LAMC1: variants seen among roughly 807,000 people sequenced by gnomAD.
LAMC1 encodes laminin subunit gamma 1.
LAMC1 carries 38 observed loss-of-function variants against 173.6 expected under a neutral mutation model. The ratio of observed to expected loss-of-function variants is 0.22; its 90% CI spans 0.17 to 0.29. The LOEUF is 0.29. LAMC1 is among the 10% of genes least tolerant of loss of function. The pLI is 1.00. For synonymous variants in LAMC1, 746 were observed against 749.1 expected, an observed-to-expected ratio of 1.00 and a Z score of 0.07; for missense variants, 1,824 against 2,051.8, an observed-to-expected ratio of 0.89 and a Z score of 2.14.
intron 1 of LAMC1, among the ~76,000 whole-genome samples, chr1:183,078,310 C>A (rs939295205): frequency 1.3e-5 from 2 of 152,138 alleles, no homozygotes; most frequent in African/African-American, 4.8e-5. Flanking sequence ...TGGTCAGGCG[C>A]GGTGGCTCAT....
chr1:183,130,295 A>T, intron 18 of LAMC1, 49 bp from the exon 19 acceptor site: 2 of 1,477,514 alleles, frequency 1.4e-6, no homozygotes, highest in Non-Finnish European at 1.9e-6. Context: ...GTGAGATGAT[A>T]TGATCCTCTT....
chr1:183,075,553 C>T (rs1033284748), intron 1 of LAMC1, among the ~76,000 whole-genome samples: 4 of 152,126 alleles, frequency 2.6e-5, no homozygotes, highest in African/African-American at 4.8e-5. Flanking sequence ...TTGATTTATA[C>T]TTACAAATAA....
chr1:183,061,028 A>G (rs1468881588), intron 1 of LAMC1, among the ~76,000 whole-genome samples: 1 of 152,130 alleles, frequency 6.6e-6, no homozygotes, highest in Non-Finnish European at 1.5e-5. Context: ...GTTGCAGGAA[A>G]ATTAGTATAA....
chr1:183,120,180 A>AG (rs1656432521), intron 11 of LAMC1, among the ~76,000 whole-genome samples: 1 of 151,364 alleles, frequency 6.6e-6, no homozygotes, highest in African/African-American at 2.4e-5. Flanking sequence ...AAAAAAAAAA[A>AG]AAAAAAAAAA....
intron 10 of LAMC1, 96 bp from the exon 11 acceptor site, chr1:183,117,938 G>A: frequency 1.3e-6 from 1 of 796,124 alleles, no homozygotes; most frequent in South Asian, 1.7e-5. Context: ...GATTGTTAGA[G>A]CATTGCATTG....
intron 1 of LAMC1, among the ~76,000 whole-genome samples, chr1:183,062,719 A>G (rs1326744468): frequency 6.6e-6 from 1 of 152,162 alleles, no homozygotes; most frequent in East Asian, 1.9e-4. Flanking sequence ...TGGGAGGCTG[A>G]GGTGGGCAGA....
intron 2 of LAMC1, among the ~76,000 whole-genome samples, chr1:183,104,461 C>G (rs1452553570): frequency 6.6e-6 from 1 of 152,326 alleles, no homozygotes; most frequent in East Asian, 1.9e-4. Flanking sequence ...ATTGGAGATG[C>G]TGCTGCATGT....
chr1:183,081,742 C>G (rs181549961), intron 1 of LAMC1, among the ~76,000 whole-genome samples: 1 of 152,192 alleles, frequency 6.6e-6, no homozygotes, highest in Admixed American at 6.5e-5. Flanking sequence ...TTGTTATAAT[C>G]AATAAAACAT....
chr1:183,126,068 GTGCTTAAAGTC>G, intron 15 of LAMC1, 41 bp from the exon 16 acceptor site: 1 of 1,554,666 alleles, frequency 6.4e-7, no homozygotes, highest in Non-Finnish European at 8.7e-7. Flanking sequence ...AAAAAAAGTT[GTGCTTAAAGTC>G]TGTTTTTCTT....
intron 1 of LAMC1, among the ~76,000 whole-genome samples, chr1:183,086,541 C>A (rs903895479): frequency 6.6e-6 from 1 of 152,170 alleles, no homozygotes; most frequent in African/African-American, 2.4e-5. Flanking sequence ...ATGCAGATTG[C>A]ACTGTTTCAT....
intron 1 of LAMC1, among the ~76,000 whole-genome samples, chr1:183,026,986 T>A (rs1351482900): frequency 1.3e-5 from 2 of 152,186 alleles, no homozygotes; most frequent in African/African-American, 4.8e-5. Context: ...CCTCTAGAAA[T>A]TTTTCATGCA....
At chr1:183,126,066 T>C (rs1571458135) in intron 15 of LAMC1, 54 bp from the exon 16 acceptor site, 1 of 1,553,678 alleles carries the variant, frequency 6.4e-7, no homozygotes, top group East Asian at 2.3e-5. Context: ...AAAAAAAAAG[T>C]TGTGCTTAAA....
At chr1:183,052,120 A>G (rs907027112) in intron 1 of LAMC1, among the ~76,000 whole-genome samples, 2 of 152,170 alleles carry the variant, frequency 1.3e-5, no homozygotes, top group African/African-American at 2.4e-5. Flanking sequence ...GGTGCTCTGC[A>G]CTGCGTATCC....
chr1:183,137,808 A>G lies in LAMC1; in HGVS notation c.4454A>G (p.Asp1485Gly), dbSNP rs1206487262. The G allele has an allele frequency of 6.2e-7, 1 of 1,607,626 alleles. No homozygotes were observed. The highest frequency in any genetic ancestry group is 8.5e-7 in the Non-Finnish European group (1 of 1,176,978). Residue 1485 changes from aspartate to glycine, a missense_variant, in exon 26 of 28, where the codon GAC becomes GGC. Asp to Gly is a moderately conservative substitution (Grantham distance 94, BLOSUM62 -1). Coordinates refer to ENST00000258341, the MANE Select transcript of LAMC1 (RefSeq NM_002293.4). ...AGAAAACAAGATGACGCTGACCAGG[A>G]CATGATGATGGCAGGGATGGTAAGA... ...LKRKQDDADQDMMMAGMASQA... is the reference protein window; with the variant it reads ...LKRKQDDADQGMMMAGMASQA...
intron 13 of LAMC1, among the ~76,000 whole-genome samples, chr1:183,123,018 T>C (rs1656522152): frequency 6.6e-6 from 1 of 152,240 alleles, no homozygotes; most frequent in Admixed American, 6.5e-5. Flanking sequence ...TCTGCTGTGA[T>C]TTTGATTCAC....
chr1:183,122,884 C>A (rs1656517027), intron 13 of LAMC1, among the ~76,000 whole-genome samples: 1 of 151,994 alleles, frequency 6.6e-6, no homozygotes, highest in Admixed American at 6.6e-5. Context: ...GCTCTTTTTG[C>A]CTTTAGGTTC....
In LAMC1 at chr1:183,140,497, C is replaced by A; in HGVS notation, c.4567C>A (p.Gln1523Lys). 6.2e-7 allele frequency: 1 copy of A among 1,609,154 alleles called. No homozygotes were observed. The highest frequency in any genetic ancestry group is 8.5e-7 in the Non-Finnish European group (1 of 1,176,012). ...LLSIINDLLE[Q>K]LGQLDTVDLN... ...CAGCATTATTAATGACCTCTTGGAG[C>A]AGCTGGGTACGTAGCCATAGAGTCA... is the stretch of plus-strand genomic sequence containing the variant. The change falls in exon 27 of 28, where the codon CAG becomes AAG. Residue 1523 changes from glutamine (Q) to lysine (K), a missense_variant. Coordinates refer to ENST00000258341, the MANE Select transcript of LAMC1 (RefSeq NM_002293.4).
At chr1:183,109,693 G>A (rs1026075086) in intron 3 of LAMC1, among the ~76,000 whole-genome samples, 1 of 152,188 alleles carries the variant, frequency 6.6e-6, no homozygotes, top group Non-Finnish European at 1.5e-5. Context: ...GTATTTTAGT[G>A]TATCAGTGAA....
At chr1:183,035,534 AGTTGT>A (rs1382425706) in intron 1 of LAMC1, among the ~76,000 whole-genome samples, 1 of 152,188 alleles carries the variant, frequency 6.6e-6, no homozygotes, top group African/African-American at 2.4e-5. Context: ...CATATGTACT[AGTTGT>A]ATGATATTTA....
Sources: allele counts gnomAD v4.1 joint callset (sites outside exome capture counted in the v4.1 genomes callset), GRCh38; gene constraint gnomAD v4.1.1; transcripts MANE v1.5; gene names NCBI Gene and HGNC (gene_info 2026-07-23, HGNC 2026-07-21).